CDYL: variants seen among roughly 807,000 people sequenced by gnomAD.
The protein encoded by CDYL is chromodomain Y like.
In CDYL, 8 loss-of-function variants were observed where a neutral mutation model predicts 47.3. The ratio of observed to expected loss-of-function variants is 0.17; its 90% CI spans 0.10 to 0.31. The LOEUF is 0.31. Ranked by LOEUF, CDYL falls within the 10% of genes least tolerant of loss-of-function variation. The pLI is 1.00. For missense variants in CDYL, 471 were observed against 701.4 expected, an observed-to-expected ratio of 0.67 and a Z score of 3.71; for synonymous variants, 266 against 265.0, an observed-to-expected ratio of 1.00 and a Z score of -0.04.
chr6:4,741,020 C>G (rs548136158), intron 3 of CDYL, among the ~76,000 whole-genome samples: 2 of 152,246 alleles, frequency 1.3e-5, no homozygotes, highest in African/African-American at 4.8e-5. Flanking sequence ...CTCCTGACTT[C>G]AAGTGGGCCA....
chr6:4,904,236 C>T (rs1322508208), intron 2 of CDYL, among the ~76,000 whole-genome samples: 3 of 152,178 alleles, frequency 2.0e-5, no homozygotes, highest in African/African-American at 7.2e-5. Flanking sequence ...CCCTGCTTCT[C>T]GTGGAGTGAT....
chr6:4,845,503 C>T (rs959624962), intron 1 of CDYL, among the ~76,000 whole-genome samples: 2 of 152,172 alleles, frequency 1.3e-5, no homozygotes, highest in East Asian at 3.8e-4. Context: ...TAGTGTTCCT[C>T]ATTGAGCTTT....
At chr6:4,925,228 C>T (rs1452945649) in intron 2 of CDYL, among the ~76,000 whole-genome samples, 4 of 152,038 alleles carry the variant, frequency 2.6e-5, no homozygotes, top group Admixed American at 2.0e-4. Flanking sequence ...ATACTCAGAT[C>T]GTTCCTAATG....
At chr6:4,839,291 C>T (rs1760418101) in intron 1 of CDYL, among the ~76,000 whole-genome samples, 1 of 152,012 alleles carries the variant, frequency 6.6e-6, no homozygotes, top group Admixed American at 6.6e-5. Flanking sequence ...GCTGATTTGT[C>T]TGAGTCATTT....
intron 1 of CDYL, among the ~76,000 whole-genome samples, chr6:4,813,200 T>C (rs1355214868): frequency 1.3e-5 from 2 of 152,198 alleles, no homozygotes. Flanking sequence ...TCATCTGGTG[T>C]AGGCTGGGAA....
At chr6:4,904,333 C>T (rs1341724289) in intron 2 of CDYL, among the ~76,000 whole-genome samples, 1 of 152,210 alleles carries the variant, frequency 6.6e-6, no homozygotes, top group Non-Finnish European at 1.5e-5. Context: ...GTGATATGGA[C>T]CTGATGTAAT....
chr6:4,725,175 T>C (rs1040485922), intron 2 of CDYL, among the ~76,000 whole-genome samples: 2 of 152,240 alleles, frequency 1.3e-5, no homozygotes, highest in African/African-American at 4.8e-5. Context: ...TTGAGCTAGA[T>C]ACAGAGTGCT....
At chr6:4,788,503 G>T (rs1010848646) in intron 1 of CDYL, among the ~76,000 whole-genome samples, 3 of 80,982 alleles carry the variant, frequency 3.7e-5, no homozygotes, top group South Asian at 5.0e-4. Context: ...AAAAAAAAAA[G>T]GCTTTTCAGT....
At chr6:4,823,698 A>T (rs1180767247) in intron 1 of CDYL, among the ~76,000 whole-genome samples, 1 of 152,180 alleles carries the variant, frequency 6.6e-6, no homozygotes, top group African/African-American at 2.4e-5. Flanking sequence ...AAAACTTTTA[A>T]ATTCCCCCAA....
chr6:4,785,924 C>T (rs1237398233), intron 1 of CDYL, among the ~76,000 whole-genome samples: 1 of 152,174 alleles, frequency 6.6e-6, no homozygotes, highest in African/African-American at 2.4e-5. Context: ...TGACAGGCTC[C>T]GTGGGGCCAG....
Position 4,861,127 on chromosome 6 carries a change from G to T in CDYL, c.25-30586G>T, listed in dbSNP as rs2027423. Among the ~76,000 whole-genome samples, 632 of 152,324 alleles carry T rather than the reference G, an allele frequency of 4.1e-3. 1 individual carries two copies. The highest frequency in any genetic ancestry group is 0.014 in the African/African-American group (594 of 41,580). On this transcript the variant is annotated intron_variant, in intron 1 of 6. Transcript: ENST00000397588. ...GCAGAGGATCTAAAAATATAGAAGA[G>T]TTAAAACATAAATATCAATGAAAAA... is the stretch of plus-strand genomic sequence containing the variant.
chr6:4,742,103 C>G lies in CDYL; in HGVS notation c.186+7259C>G, dbSNP rs149122049. On this transcript the variant is annotated intron_variant, in intron 3 of 8. Transcript: ENST00000328908. ...AGGCTGGGTGTGGTGGCTCATGCCT[C>G]TAACCCCAACATTTTGGGATTACTC... Among the ~76,000 whole-genome samples, 126 of 152,264 alleles carry G rather than the reference C, an allele frequency of 8.3e-4. 1 individual carries two copies. In the South Asian group the frequency reaches 0.016, roughly 20 times the overall value.
intron 1 of CDYL, among the ~76,000 whole-genome samples, chr6:4,787,631 A>G (rs1209388918): frequency 6.6e-6 from 1 of 152,108 alleles, no homozygotes; most frequent in African/African-American, 2.4e-5. Context: ...GTCAACAGAA[A>G]AGAAATCGTG....
intron 1 of CDYL, among the ~76,000 whole-genome samples, chr6:4,870,259 G>C (rs982621929): frequency 1.3e-5 from 2 of 152,040 alleles, no homozygotes; most frequent in African/African-American, 4.8e-5. Context: ...CTTCATTTTT[G>C]AAGAATAGTT....
At chr6:4,941,337 G>A (rs908612761) in intron 4 of CDYL, among the ~76,000 whole-genome samples, 1 of 152,222 alleles carries the variant, frequency 6.6e-6, no homozygotes, top group African/African-American at 2.4e-5. Context: ...AGCTCCCTTG[G>A]TTAAGCCTTT....
chr6:4,717,879 C>T (rs1394468519), intron 2 of CDYL, among the ~76,000 whole-genome samples: 1 of 150,762 alleles, frequency 6.6e-6, no homozygotes, highest in Admixed American at 6.6e-5. Flanking sequence ...CAGGGTCTCA[C>T]TCTATCACAT....
intron 2 of CDYL, among the ~76,000 whole-genome samples, chr6:4,900,412 C>T (rs1199505398): frequency 1.3e-5 from 2 of 152,094 alleles, no homozygotes; most frequent in Admixed American, 1.3e-4. Flanking sequence ...CATTTACTTT[C>T]CCTCTCCTCT....
intron 2 of CDYL, among the ~76,000 whole-genome samples, chr6:4,716,568 A>G (rs1289228768): frequency 1.3e-5 from 2 of 149,740 alleles, no homozygotes; most frequent in Non-Finnish European, 3.0e-5. Flanking sequence ...CTCTGTGTTT[A>G]CAAGCGTCAG....
intron 1 of CDYL, among the ~76,000 whole-genome samples, chr6:4,707,631 C>T (rs562180593): frequency 3.9e-5 from 6 of 152,298 alleles, no homozygotes; most frequent in Admixed American, 2.6e-4. Context: ...CTTACCTGGG[C>T]ATTCAAGACC....
Sources: gnomAD v4.1 joint callset for allele counts (sites outside exome capture counted in the v4.1 genomes callset) on GRCh38, gnomAD v4.1.1 for gene constraint, MANE v1.5 for transcripts, NCBI Gene and HGNC (gene_info 2026-07-23, HGNC 2026-07-21) for gene names.